ZDHHC11: variants seen among roughly 807,000 people sequenced by gnomAD.
ZDHHC11 encodes palmitoyltransferase ZDHHC11.
ZDHHC11 carries 44 observed loss-of-function variants against 51.3 expected under a neutral mutation model. The ratio of observed to expected loss-of-function variants is 0.86; its 90% confidence interval spans 0.67 to 1.10. The LOEUF (loss-of-function observed/expected upper bound fraction) is 1.10. ZDHHC11 is among the 50% of genes least tolerant of loss of function. The pLI is 0.00. For missense variants in ZDHHC11, 400 were observed against 537.7 expected, an observed-to-expected ratio of 0.74 and a Z score of 2.53; for synonymous variants, 163 against 222.0, an observed-to-expected ratio of 0.73 and a Z score of 2.36.
At position 812,683 on chromosome 5, in the gene ZDHHC11, T is replaced by C. The variant is rs146085744; in HGVS notation, c.1181+2078A>G. On this transcript the variant is annotated intron_variant, in intron 11 of 12. Coordinates refer to ENST00000283441, the MANE Select transcript of ZDHHC11 (RefSeq NM_024786.3). ...GCAAATGCCCTTTGACTTTTAAGTG[T>C]TCCACAGAAACAAAACAATATTGTC... Among the ~76,000 whole-genome samples, 603 of 151,536 alleles carry C rather than the reference T, an allele frequency of 4.0e-3. 14 individuals carry two copies. The highest frequency in any genetic ancestry group is 0.014 in the African/African-American group (589 of 41,336).
chr5:854,699 C>CA (rs201714013), upstream of ZDHHC11, among the ~76,000 whole-genome samples: 2 of 148,682 alleles, frequency 1.3e-5, no homozygotes, highest in East Asian at 2.0e-4. Flanking sequence ...GACAGCAAGC[C>CA]GGGGGGACAG....
At chr5:852,254 TTA>T (rs1747333572), upstream of ZDHHC11, among the ~76,000 whole-genome samples, 1 of 152,152 alleles carries the variant, frequency 6.6e-6, no homozygotes, top group Admixed American at 6.5e-5. Flanking sequence ...ACCACAGATC[TTA>T]GAGAGGAGAA....
chr5:858,735 G>A lies in ZDHHC11; in HGVS notation c.-1+139C>T, dbSNP rs2150531013. On this transcript the variant is annotated intron_variant, in intron 1 of 3. Transcript: ENST00000685990. The stretch of plus-strand genomic sequence containing the variant: ...CACAGTGGAAACGGCCTTTTCTGAG[G>A]CCCCTCATAAGACAAATCCTCACAG... 1.3e-5 allele frequency among the ~76,000 whole-genome samples: 2 copies of A among 152,156 alleles called. 1 individual carries two copies. The highest frequency in any genetic ancestry group is 4.2e-4 in the South Asian group (2 of 4,814).
intron 1 of ZDHHC11, 56 bp downstream of exon 1, chr5:850,325 C>A (rs536543909): frequency 1.3e-6 from 2 of 1,569,240 alleles, no homozygotes; most frequent in Non-Finnish European, 1.7e-6. Flanking sequence ...CCAGGTCCAT[C>A]GCAAGTTCCT....
intron 10 of ZDHHC11, among the ~76,000 whole-genome samples, chr5:815,520 C>A (rs1316813156): frequency 2.0e-5 from 3 of 151,590 alleles, no homozygotes; most frequent in Non-Finnish European, 3.0e-5. Flanking sequence ...CATGAGACTT[C>A]CAGTTCTCCG....
intron 1 of ZDHHC11, among the ~76,000 whole-genome samples, chr5:858,864 C>T (rs1045007004): frequency 6.6e-6 from 1 of 152,086 alleles, no homozygotes; most frequent in Non-Finnish European, 1.5e-5. Flanking sequence ...TAAGGCCCCA[C>T]TTTCCTTACC....
At chr5:821,769 G>T in intron 9 of ZDHHC11, 92 bp downstream of exon 9, 1 of 1,290,394 alleles carries the variant, frequency 7.7e-7, no homozygotes, top group Non-Finnish European at 1.1e-6. Context: ...ACATTAAATG[G>T]ATGACATATT....
chr5:804,163 G>T (rs1363560461), intron 11 of ZDHHC11, among the ~76,000 whole-genome samples: 3 of 151,256 alleles, frequency 2.0e-5, no homozygotes, highest in South Asian at 2.1e-4. Flanking sequence ...AATATTAAAT[G>T]GAAAATTCCA....
chr5:819,116 C>T (rs1741226462), intron 10 of ZDHHC11, among the ~76,000 whole-genome samples: 1 of 151,618 alleles, frequency 6.6e-6, no homozygotes, highest in African/African-American at 2.4e-5. Context: ...CTCCTACACA[C>T]AGTCTTTCCT....
chr5:860,174 G>A (rs143029041), upstream of ZDHHC11, among the ~76,000 whole-genome samples: 26 of 152,188 alleles, frequency 1.7e-4, no homozygotes, highest in African/African-American at 6.0e-4. This position sits in a 1 kb window ranked among gnomAD's most constrained non-coding sequence, Gnocchi z 4.2. Flanking sequence ...CGACATGGGG[G>A]GAAGGGGCAG....
upstream of ZDHHC11, chr5:851,122 G>C (rs60423283): frequency 0.14 from 21,945 of 162,224 alleles, 4,529 homozygotes; most frequent in African/African-American, 0.45. Context: ...TTACTCACTG[G>C]TGCAACACTG....
Position 819,983 on chromosome 5 carries a change from G to A in ZDHHC11, c.1059-371C>T, listed in dbSNP as rs146746765. 1.9e-3 allele frequency among the ~76,000 whole-genome samples: 286 copies of A among 151,414 alleles called. 2 individuals carry two copies. Among genetic ancestry groups the A allele is most frequent in the African/African-American group, 6.6e-3 (273 of 41,330 alleles). On this transcript the variant is annotated intron_variant, in intron 9 of 12. Transcript: ENST00000283441. Reference sequence around the variant, plus strand: ...TTTTATAAAACAGCACATCATACATGTCACAGGGGTGTCAGGTGGGTCAGG... The same window carrying A: ...TTTTATAAAACAGCACATCATACATATCACAGGGGTGTCAGGTGGGTCAGG...
intron 7 of ZDHHC11, among the ~76,000 whole-genome samples, chr5:827,845 T>C (rs1742496699): frequency 1.3e-5 from 2 of 150,554 alleles, no homozygotes. Context: ...GAAAAACAAG[T>C]GAACAAAGGT....
intron 11 of ZDHHC11, among the ~76,000 whole-genome samples, chr5:808,977 C>A: frequency 9.8e-6 from 1 of 101,532 alleles, no homozygotes. Flanking sequence ...ATCTTTTGAC[C>A]ATCAGTTACA....
At chr5:814,859 T>A (rs1740569649) in intron 10 of ZDHHC11, 64 bp from the exon 11 acceptor site, 1 of 1,434,146 alleles carries the variant, frequency 7.0e-7, no homozygotes. Flanking sequence ...TTAAACTTAT[T>A]CTTAAAATTC....
In ZDHHC11 at chr5:819,622, C is replaced by G. The variant is rs769862068; in HGVS notation, c.1059-10G>C. ...GTTCCTGGCCTTGGCTCTGGTGGGG[C>G]AAACAGAAGGAAAGAAACACACCAC... On this transcript the variant is annotated splice_polypyrimidine_tract_variant and intron_variant, in intron 9 of 12. Coordinates refer to ENST00000283441, the MANE Select transcript of ZDHHC11 (RefSeq NM_024786.3). The G allele has an allele frequency of 1.9e-6, 3 of 1,608,284 alleles. No individual in the cohort carries two copies. In the Admixed American group the frequency reaches 5.0e-5, roughly 27 times the overall value.
chr5:834,705 T>G (rs1215215951), intron 6 of ZDHHC11, among the ~76,000 whole-genome samples: 1 of 152,298 alleles, frequency 6.6e-6, no homozygotes, highest in Non-Finnish European at 1.5e-5. Flanking sequence ...TGAGGGTTTG[T>G]GGTGACCCTG....
At chr5:823,244 T>C (rs545647529) in intron 8 of ZDHHC11, 1 of 151,054 alleles carries the variant, frequency 6.6e-6, no homozygotes, top group East Asian at 1.9e-4. Flanking sequence ...AATGTTAAAG[T>C]TTCCCCCTCT....
At position 802,871 on chromosome 5, in the gene ZDHHC11, A is replaced by AAAAAAAAAAAAAAAAC. The variant is rs1561228376; in HGVS notation, c.1182-1708_1182-1707insGTTTTTTTTTTTTTTT. Among the ~76,000 whole-genome samples, 10 of 114,248 alleles carry AAAAAAAAAAAAAAAAC rather than the reference A, an allele frequency of 8.8e-5. 1 individual carries two copies. Among genetic ancestry groups the AAAAAAAAAAAAAAAAC allele is most frequent in the African/African-American group, 3.8e-4 (10 of 26,152 alleles). 75.0% of individuals were successfully genotyped at this position (114,248 alleles called of 152,430 possible). ...AAAAAAAAAAAAAAAAAAAAAAAAA[A>AAAAAAAAAAAAAAAAC]AAAGCTAAATGTGGTGGTTAGTGCC... On this transcript the variant is annotated intron_variant, in intron 11 of 12. Transcript: ENST00000283441.
Sources: allele counts gnomAD v4.1 joint callset (sites outside exome capture counted in the v4.1 genomes callset), GRCh38; gene constraint gnomAD v4.1.1; non-coding constraint Gnocchi (gnomAD v3.1); transcripts MANE v1.5; gene names NCBI Gene and HGNC (gene_info 2026-07-23, HGNC 2026-07-21).